The following AP3S2 variants were observed in gnomAD, a reference collection of about 807,000 sequenced individuals.
AP3S2 encodes the protein adaptor related protein complex 3 subunit sigma 2, also known as AP-3 complex subunit sigma-2.
A neutral mutation model predicts 23.4 loss-of-function variants in AP3S2; 22 were observed. That is an observed-to-expected ratio of 0.94 (90% CI 0.67 to 1.34). The LOEUF (loss-of-function observed/expected upper bound fraction) is 1.34. Among genes scored for constraint, AP3S2 ranks in the 40% most tolerant of loss-of-function variants. The pLI, the probability that AP3S2 is intolerant of heterozygous loss-of-function variation, is 0.00. For missense variants in AP3S2, 241 were observed against 236.9 expected, an observed-to-expected ratio of 1.02 and a Z score of -0.11; for synonymous variants, 86 against 87.1, an observed-to-expected ratio of 0.99 and a Z score of 0.07.
chr15:89,875,088 C>T (rs951733198), intron 3 of AP3S2, among the ~76,000 whole-genome samples: 2 of 152,204 alleles, frequency 1.3e-5, no homozygotes, highest in African/African-American at 4.8e-5. Flanking sequence ...TCCAGGCCCC[C>T]GGAAGGAGCT....
intron 3 of AP3S2, among the ~76,000 whole-genome samples, chr15:89,879,693 C>T (rs188226012): frequency 3.3e-5 from 5 of 152,076 alleles, no homozygotes; most frequent in African/African-American, 1.2e-4. Context: ...GCAACCTCCA[C>T]CTCCTGGGTT....
At chr15:89,880,296 C>T (rs1409928140) in intron 3 of AP3S2, among the ~76,000 whole-genome samples, 2 of 152,072 alleles carry the variant, frequency 1.3e-5, no homozygotes, top group East Asian at 1.9e-4. Context: ...TTCAAGAATA[C>T]ATATGGATGA....
intron 4 of AP3S2, among the ~76,000 whole-genome samples, chr15:89,855,850 GAAA>G (rs777406522): frequency 1.3e-5 from 1 of 74,414 alleles, no homozygotes; most frequent in Non-Finnish European, 2.7e-5. Context: ...AACTCCATCA[GAAA>G]AAAAAAAAAA....
rs1222450179 is a variant in AP3S2 at position 89,888,564 on chromosome 15, A to G, written c.230T>C (p.Val77Ala). The G allele has an allele frequency of 5.6e-6, 9 of 1,614,122 alleles. No homozygotes were observed. Among genetic ancestry groups the G allele is most frequent in the African/African-American group, 2.7e-5 (2 of 74,954 alleles). Reference protein sequence around the residue: ...HYATLYFVFCVDSSESELGIL... With the variant: ...HYATLYFVFCADSSESELGIL... ...TCCAAGTTCACTCTCTGAGGAATCC[A>G]CACAAAATACAAAGTAGAGGGTAGC... The change falls in exon 3 of 6, where the codon GTG (valine) becomes GCG (alanine). Residue 77 changes from valine (V) to alanine (A), a missense_variant. Transcript: ENST00000336418.
chr15:89,832,921 A>C lies in AP3S2; in HGVS notation c.*2594T>G, dbSNP rs1218895120. On this transcript the variant is annotated 3_prime_UTR_variant, in exon 6 of 6. Transcript: ENST00000336418. Reference sequence around the variant, plus strand: ...CTTGTCCAAAGGGATTGAGTTTTCCAAATAAAAAAGTGGGCTTCAGTTTTA... The same window carrying C: ...CTTGTCCAAAGGGATTGAGTTTTCCCAATAAAAAAGTGGGCTTCAGTTTTA... The C allele has an allele frequency of 1.3e-5, 2 of 152,222 alleles. No homozygotes were observed. Among genetic ancestry groups the C allele is most frequent in the African/African-American group, 4.8e-5 (2 of 41,448 alleles). The allele number at this position is 152,222 out of a possible 1,614,324, so 9.4% of individuals were successfully genotyped here.
At chr15:89,871,362 T>G (rs776337133) in intron 4 of AP3S2, 113 bp downstream of exon 4, 72 of 995,930 alleles carry the variant, frequency 7.2e-5, no homozygotes, top group Non-Finnish European at 1.0e-4. Context: ...AGGACTATCT[T>G]AAGAGTAAAA....
intron 4 of AP3S2, among the ~76,000 whole-genome samples, chr15:89,855,225 A>AC (rs1197650173): frequency 8.5e-5 from 7 of 82,704 alleles, no homozygotes; most frequent in Admixed American, 1.5e-4. Context: ...CTGTGACCTT[A>AC]CCCCCAACCC....
In AP3S2 at chr15:89,832,553, A is replaced by G. The variant is rs1259494475; in HGVS notation, c.*2962T>C. 2 of 135,906 alleles carry G rather than the reference A, an allele frequency of 1.5e-5. No individual in the cohort carries two copies. The highest frequency in any genetic ancestry group is 3.0e-5 in the Non-Finnish European group (2 of 65,872). 8.4% of individuals were successfully genotyped at this position (135,906 alleles called of 1,614,324 possible). On this transcript the variant is annotated 3_prime_UTR_variant, in exon 6 of 6. Transcript: ENST00000336418. ...GCCCAGGCTGGAGTGTAGTGGTGCG[A>G]TCTTGGCTCACTGCAAGCTCTGCCT...
intron 1 of AP3S2, 126 bp from the exon 2 acceptor site, chr15:89,889,266 G>T (rs1315858049): frequency 2.0e-6 from 2 of 992,426 alleles, no homozygotes; most frequent in African/African-American, 1.6e-5. Flanking sequence ...CTTGTTTCTA[G>T]AAATGATAAA....
intron 4 of AP3S2, among the ~76,000 whole-genome samples, chr15:89,855,616 A>C (rs1374390859): frequency 1.4e-5 from 2 of 144,628 alleles, no homozygotes; most frequent in Non-Finnish European, 3.0e-5. Flanking sequence ...TGGCAGGCCA[A>C]GGCGGGCAGA....
chr15:89,893,332 C>G (rs1307020706), intron 1 of AP3S2: 1 of 170,384 alleles, frequency 5.9e-6, no homozygotes, highest in Non-Finnish European at 1.2e-5. Context: ...CCTTATGCGG[C>G]AGCATTTATA....
intron 4 of AP3S2, 25 bp downstream of exon 4, chr15:89,871,450 G>A (rs1896316517): frequency 6.2e-7 from 1 of 1,601,356 alleles, no homozygotes; most frequent in Non-Finnish European, 8.5e-7. Flanking sequence ...ACCCTAGTTT[G>A]GAAGAGAACT....
rs1328224416 is a variant in AP3S2, at chr15:89,871,511, A to G, written c.309T>C (p.Asn103=). Reference sequence around the variant, plus strand: ...GGAAGATCAAATCCAATTCACACACATTTTCGAAACACTTATCCAGAGTTT... The same window carrying G: ...GGAAGATCAAATCCAATTCACACACGTTTTCGAAACACTTATCCAGAGTTT... ...FVETLDKCFE[N]VCELDLIFHM... Residue 103 remains asparagine (N), a synonymous_variant, in exon 4 of 6, where the codon AAT becomes AAC. Transcript: ENST00000336418. The G allele has an allele frequency of 6.2e-7, 1 of 1,613,826 alleles. No individual in the cohort carries two copies. The highest frequency in any genetic ancestry group is 8.5e-7 in the Non-Finnish European group (1 of 1,179,944).
At chr15:89,869,726 G>T (rs371351187) in intron 4 of AP3S2, among the ~76,000 whole-genome samples, 1 of 151,806 alleles carries the variant, frequency 6.6e-6, no homozygotes, top group Non-Finnish European at 1.5e-5. Context: ...TGGTAACTTC[G>T]AAAGTAACAC....
At chr15:89,850,861 T>C (rs1596193972) in intron 4 of AP3S2, 1 of 152,096 alleles carries the variant, frequency 6.6e-6, no homozygotes, top group African/African-American at 2.4e-5. Context: ...ACCACAGACC[T>C]GCATCACCAC....
At chr15:89,881,759 T>G (rs1422200803) in intron 3 of AP3S2, among the ~76,000 whole-genome samples, 1 of 152,098 alleles carries the variant, frequency 6.6e-6, no homozygotes, top group Non-Finnish European at 1.5e-5. Flanking sequence ...CACATTTCAG[T>G]ACTGGAGTTA....
chr15:89,846,281 C>T (rs1187140554), intron 4 of AP3S2, among the ~76,000 whole-genome samples: 1 of 152,086 alleles, frequency 6.6e-6, no homozygotes, highest in African/African-American at 2.4e-5. Flanking sequence ...GTCAAAATGT[C>T]AATTCCTCTA....
Position 89,880,053 on chromosome 15 carries a change from A to G in AP3S2, c.273+8468T>C, listed in dbSNP as rs529227161. 4.6e-5 allele frequency among the ~76,000 whole-genome samples: 7 copies of G among 151,324 alleles called. No homozygotes were observed. In the South Asian group the frequency reaches 1.3e-3, roughly 27 times the overall value. ...TTTTAGAGTTATTAGAATGTGATAA[A>G]ATGTGCATCTTAGGATATATAAAAT... On this transcript the variant is annotated intron_variant, in intron 3 of 5. Coordinates refer to ENST00000336418, the MANE Select transcript of AP3S2 (RefSeq NM_005829.5).
At chr15:89,858,872 A>C (rs999325458) in intron 4 of AP3S2, among the ~76,000 whole-genome samples, 2 of 152,222 alleles carry the variant, frequency 1.3e-5, no homozygotes, top group African/African-American at 4.8e-5. Context: ...AGTAATAAGG[A>C]ATGACTAACA....
Sources: gnomAD v4.1 joint callset for allele counts (sites outside exome capture counted in the v4.1 genomes callset) on GRCh38, gnomAD v4.1.1 for gene constraint, MANE v1.5 for transcripts, NCBI Gene and HGNC (gene_info 2026-07-23, HGNC 2026-07-21) for gene names.